DPP10: variants seen among roughly 807,000 people sequenced by gnomAD.
DPP10 encodes dipeptidyl peptidase like 10, also known as inactive dipeptidyl peptidase 10.
DPP10 carries 33 observed loss-of-function variants against 120.9 expected under a neutral mutation model. The observed-to-expected ratio is 0.27, with a 90% CI of 0.21 to 0.37. DPP10 has a LOEUF of 0.37. DPP10 is among the 10% of genes least tolerant of loss of function. The pLI is 1.00. For synonymous variants in DPP10, 337 were observed against 326.1 expected (o/e 1.03, Z -0.36); for missense variants, 816 against 942.8 (o/e 0.87, Z 1.76).
intron 1 of DPP10, among the ~76,000 whole-genome samples, chr2:114,873,545 C>T (rs571296244): frequency 7.2e-5 from 11 of 152,186 alleles, no homozygotes; most frequent in Admixed American, 3.9e-4. Flanking sequence ...CATATCGTGT[C>T]GGTGCGTGCA....
chr2:114,847,813 A>G (rs144594575), intron 1 of DPP10, among the ~76,000 whole-genome samples: 1 of 152,296 alleles, frequency 6.6e-6, no homozygotes, highest in Admixed American at 6.5e-5. Flanking sequence ...CAAAATAAAT[A>G]ATAAGACAGT....
chr2:114,551,001 A>G (rs1014534110), intron 1 of DPP10, among the ~76,000 whole-genome samples: 2 of 152,222 alleles, frequency 1.3e-5, no homozygotes, highest in African/African-American at 4.8e-5. Flanking sequence ...AATGATGACT[A>G]TAAACCCATA....
At chr2:115,169,984 CAG>C (rs1289691554) in intron 1 of DPP10, among the ~76,000 whole-genome samples, 1 of 152,082 alleles carries the variant, frequency 6.6e-6, no homozygotes, top group Non-Finnish European at 1.5e-5. Flanking sequence ...GCTCTGAAAA[CAG>C]AAATGTGACA....
chr2:114,578,659 G>T (rs957526709), intron 1 of DPP10, among the ~76,000 whole-genome samples: 2 of 152,154 alleles, frequency 1.3e-5, no homozygotes, highest in Non-Finnish European at 2.9e-5. Context: ...CTGCAAACCA[G>T]TTCTCATAGA....
At chr2:115,574,310 A>G (rs1464212366) in intron 5 of DPP10, among the ~76,000 whole-genome samples, 1 of 152,152 alleles carries the variant, frequency 6.6e-6, no homozygotes, top group East Asian at 1.9e-4. Flanking sequence ...CATTCCCCAC[A>G]TTTAATTCTG....
chr2:115,233,431 G>C (rs928270980), intron 1 of DPP10, among the ~76,000 whole-genome samples: 3 of 152,152 alleles, frequency 2.0e-5, no homozygotes, highest in Non-Finnish European at 4.4e-5. Context: ...TCCCGTGTGT[G>C]ATTATAAGAC....
At chr2:115,840,060 T>C (rs1043804092) in intron 24 of DPP10, among the ~76,000 whole-genome samples, 1 of 152,038 alleles carries the variant, frequency 6.6e-6, no homozygotes, top group African/African-American at 2.4e-5. Context: ...GATAGCTGGT[T>C]TCCTGTATTA....
chr2:114,605,898 T>A (rs1159008933), intron 1 of DPP10, among the ~76,000 whole-genome samples: 3 of 152,228 alleles, frequency 2.0e-5, no homozygotes, highest in Admixed American at 2.0e-4. Flanking sequence ...GTCTGTTTTA[T>A]TTTAGCCCAT....
At chr2:115,612,571 G>T (rs2084189747) in intron 5 of DPP10, among the ~76,000 whole-genome samples, 1 of 152,112 alleles carries the variant, frequency 6.6e-6, no homozygotes, top group Admixed American at 6.6e-5. Context: ...CTAATATAGT[G>T]ACGTGTTCTG....
At position 115,711,167 on chromosome 2, in the gene DPP10, G is replaced by C. The variant is rs1193159058; in HGVS notation, c.577-16649G>C. Among the ~76,000 whole-genome samples, 6 of 152,174 alleles carry C rather than the reference G, an allele frequency of 3.9e-5. No homozygotes were observed. The East Asian group carries it at 1.2e-3, about 29-fold the overall frequency. On this transcript the variant is annotated intron_variant, in intron 7 of 25. Coordinates refer to ENST00000410059, the MANE Select transcript of DPP10 (RefSeq NM_020868.6). ...TTTTTTCTTTTTCTGTGGGGTGAGG[G>C]GAGTGAATAGTGGATTCGCTGTCTT...
intron 1 of DPP10, among the ~76,000 whole-genome samples, chr2:115,157,162 C>T (rs1439583912): frequency 6.7e-6 from 1 of 148,340 alleles, no homozygotes; most frequent in Admixed American, 6.8e-5. Flanking sequence ...AAATAATCTG[C>T]ATTGTTTTAC....
At chr2:114,705,118 A>C (rs953430590) in intron 1 of DPP10, among the ~76,000 whole-genome samples, 3 of 152,280 alleles carry the variant, frequency 2.0e-5, no homozygotes, top group African/African-American at 7.2e-5. Context: ...GCAGACTAGA[A>C]CAAGGGGCCA....
intron 3 of DPP10, among the ~76,000 whole-genome samples, chr2:115,384,439 A>T (rs113166456): frequency 0.019 from 2,586 of 139,026 alleles, 71 homozygotes; most frequent in African/African-American, 0.064. Context: ...GAGAAGAAGA[A>T]GAGGAGGAAG....
chr2:114,565,151 G>T (rs1689100088), intron 1 of DPP10, among the ~76,000 whole-genome samples: 1 of 152,152 alleles, frequency 6.6e-6, no homozygotes, highest in Non-Finnish European at 1.5e-5. Context: ...GGCTAATCCT[G>T]GCTGTGTTCC....
chr2:114,761,135 C>T (rs574526248), intron 1 of DPP10, among the ~76,000 whole-genome samples: 1 of 152,224 alleles, frequency 6.6e-6, no homozygotes, highest in East Asian at 1.9e-4. Flanking sequence ...TTAAGTTTGT[C>T]CTAAGGTATC....
chr2:114,887,147 T>C (rs993743083), intron 1 of DPP10, among the ~76,000 whole-genome samples: 1 of 152,208 alleles, frequency 6.6e-6, no homozygotes, highest in Non-Finnish European at 1.5e-5. Context: ...GAACATTTAG[T>C]ATGTTTCCTT....
intron 1 of DPP10, among the ~76,000 whole-genome samples, chr2:115,094,376 T>A (rs1220432971): frequency 6.6e-6 from 1 of 152,138 alleles, no homozygotes; most frequent in Admixed American, 6.6e-5. Flanking sequence ...GACTGAGGTA[T>A]ATATTTTAGG....
chr2:114,971,307 A>T (rs1310801261), intron 1 of DPP10, among the ~76,000 whole-genome samples: 1 of 152,112 alleles, frequency 6.6e-6, no homozygotes, highest in East Asian at 1.9e-4. Context: ...CTATTTTTTT[A>T]AATCGATTTA....
intron 1 of DPP10, among the ~76,000 whole-genome samples, chr2:114,501,933 CTTTTTTT>C (rs34369425): frequency 1.1e-5 from 1 of 94,052 alleles, no homozygotes; most frequent in Admixed American, 1.2e-4. Flanking sequence ...ATTGATATTC[CTTTTTTT>C]TTTTTTTTTT....
Sources: allele counts gnomAD v4.1 joint callset (sites outside exome capture counted in the v4.1 genomes callset), GRCh38; gene constraint gnomAD v4.1.1; transcripts MANE v1.5; gene names NCBI Gene and HGNC (gene_info 2026-07-23, HGNC 2026-07-21).